Variants in FBXO11 observed in about 807,000 individuals in gnomAD.
The protein encoded by FBXO11 is F-box protein 11, also known as F-box only protein 11.
Under a neutral mutation model 117.0 loss-of-function variants are expected in FBXO11, and 13 were observed. The ratio of observed to expected loss-of-function variants is 0.11; its 90% CI spans 0.07 to 0.18. The LOEUF is 0.18. FBXO11 is among the 10% of genes least tolerant of loss of function. FBXO11 has a pLI of 1.00. For synonymous variants in FBXO11, 490 were observed against 380.5 expected (o/e 1.29, Z -3.35); for missense variants, 767 against 1,164.4 (o/e 0.66, Z 4.97).
intron 11 of FBXO11, among the ~76,000 whole-genome samples, chr2:47,825,600 G>C (rs2348245): frequency 8.4e-6 from 1 of 118,484 alleles, no homozygotes; most frequent in Middle Eastern, 6.0e-3. Flanking sequence ...TTTTTTTAGA[G>C]ACAGGCTCTC....
intron 1 of FBXO11, among the ~76,000 whole-genome samples, chr2:47,897,699 A>G (rs1677780443): frequency 9.7e-6 from 1 of 102,856 alleles, no homozygotes; most frequent in African/African-American, 3.2e-5. Context: ...TGTGTCTTAA[A>G]CCAAAAAAAA....
At position 47,842,996 on chromosome 2, in the gene FBXO11, G is replaced by T. The variant is rs1411818078; in HGVS notation, c.233-3227C>A. On this transcript the variant is annotated intron_variant, in intron 1 of 22. Coordinates refer to ENST00000403359, the MANE Select transcript of FBXO11 (RefSeq NM_001190274.2). ...ACACAAGGTCTCACCATGTTGTGCA[G>T]GCTAGTCTCAAAACTGCTGAGCTCA... Among the ~76,000 whole-genome samples, 3 of 152,078 alleles carry T rather than the reference G, an allele frequency of 2.0e-5. No individual in the cohort carries two copies. The East Asian group carries it at 5.8e-4, about 29-fold the overall frequency.
intron 1 of FBXO11, among the ~76,000 whole-genome samples, chr2:47,873,624 G>C (rs139863581): frequency 2.4e-4 from 36 of 152,214 alleles, no homozygotes; most frequent in Non-Finnish European, 3.7e-4. Context: ...GGCATGATTT[G>C]GCTTATTTCT....
Position 47,813,433 on chromosome 2 carries a change from T to TTATTTA in FBXO11, c.2084-57_2084-56insTAAATA, listed in dbSNP as rs1558404679. The TTATTTA allele has an allele frequency of 1.3e-5, 13 of 1,008,570 alleles. 1 individual carries two copies. In the African/African-American group the frequency reaches 3.0e-4, roughly 23 times the overall value. 62.5% of individuals were successfully genotyped at this position (1,008,570 alleles called of 1,614,324 possible). A position where few individuals can be genotyped will look rare whatever the true frequency, so the allele number is the denominator to read the frequency against. On this transcript the variant is annotated intron_variant, in intron 17 of 22. Transcript: ENST00000403359. ...AGGTATATTTCTTTTTAATTTTTTT[T>TTATTTA]TTTTTTTTTTTTTTTGAGACAGAGT... is the stretch of plus-strand genomic sequence containing the variant.
At chr2:47,872,314 T>C (rs1675682169) in intron 1 of FBXO11, among the ~76,000 whole-genome samples, 2 of 152,204 alleles carry the variant, frequency 1.3e-5, no homozygotes, top group African/African-American at 2.4e-5. Flanking sequence ...AAGTCAAAAC[T>C]ATTTTCATTA....
At chr2:47,842,849 T>G (rs2104889499) in intron 1 of FBXO11, among the ~76,000 whole-genome samples, 1 of 150,470 alleles carries the variant, frequency 6.6e-6, no homozygotes, top group Middle Eastern at 3.6e-3. Flanking sequence ...GGCACAATCA[T>G]GGCTTACTGC....
intron 1 of FBXO11, among the ~76,000 whole-genome samples, chr2:47,879,635 T>C (rs969746398): frequency 6.6e-6 from 1 of 152,242 alleles, no homozygotes; most frequent in East Asian, 1.9e-4. Flanking sequence ...ACTGCATGTA[T>C]ATCAGGAAGG....
chr2:47,828,501 G>A (rs997701185), intron 11 of FBXO11, among the ~76,000 whole-genome samples: 3 of 151,846 alleles, frequency 2.0e-5, no homozygotes, highest in Non-Finnish European at 2.9e-5. Flanking sequence ...CCACCTACTC[G>A]GGAGACTGAG....
intron 1 of FBXO11, among the ~76,000 whole-genome samples, chr2:47,889,774 A>G (rs1001177052): frequency 2.0e-5 from 3 of 152,230 alleles, no homozygotes; most frequent in African/African-American, 7.2e-5. Flanking sequence ...TAAAATTATT[A>G]AACAGACATG....
chr2:47,822,718 T>C (rs1015054222), intron 12 of FBXO11, among the ~76,000 whole-genome samples: 1 of 152,216 alleles, frequency 6.6e-6, no homozygotes, highest in Admixed American at 6.5e-5. Context: ...AGCTTGCAGT[T>C]TTTGACTTTT....
intron 16 of FBXO11, among the ~76,000 whole-genome samples, chr2:47,815,106 T>G (rs1348857653): frequency 6.6e-6 from 1 of 152,212 alleles, no homozygotes; most frequent in Admixed American, 6.5e-5. Context: ...CCTAAAGTCA[T>G]CCATGAGGGT....
At chr2:47,856,054 C>T (rs997191966) in intron 1 of FBXO11, among the ~76,000 whole-genome samples, 2 of 152,066 alleles carry the variant, frequency 1.3e-5, no homozygotes, top group African/African-American at 4.8e-5. Context: ...GAGGCTGCAG[C>T]GTGCTATCAT....
chr2:47,834,944 C>T (rs977404994), intron 5 of FBXO11, 73 bp from the exon 6 acceptor site: 42 of 1,014,820 alleles, frequency 4.1e-5, no homozygotes, highest in African/African-American at 8.2e-5. Context: ...TGTACAATTG[C>T]ATGAACAACT....
At chr2:47,865,736 A>G (rs1675146291) in intron 1 of FBXO11, 1 of 152,230 alleles carries the variant, frequency 6.6e-6, no homozygotes, top group Non-Finnish European at 1.5e-5. Context: ...TGGAAACAAC[A>G]TGGGATATTA....
chr2:47,851,517 G>A (rs541988083), intron 1 of FBXO11, among the ~76,000 whole-genome samples: 42 of 152,174 alleles, frequency 2.8e-4, no homozygotes, highest in African/African-American at 9.6e-4. Context: ...GTGAGCCACC[G>A]CGCCTGGCCT....
At chr2:47,883,730 G>T (rs953454890) in intron 1 of FBXO11, 2 of 263,332 alleles carry the variant, frequency 7.6e-6, no homozygotes, top group Admixed American at 4.1e-5. Flanking sequence ...AAGCACGAGA[G>T]AAAGAAGGTT....
At chr2:47,836,302 T>G (rs1010543424) in intron 4 of FBXO11, among the ~76,000 whole-genome samples, 2 of 152,182 alleles carry the variant, frequency 1.3e-5, no homozygotes, top group Non-Finnish European at 2.9e-5. Flanking sequence ...AAAACAGGAT[T>G]TAAAACGTGA....
intron 1 of FBXO11, among the ~76,000 whole-genome samples, chr2:47,854,224 G>T (rs1674096465): frequency 1.3e-5 from 2 of 150,650 alleles, no homozygotes; most frequent in African/African-American, 4.9e-5. Context: ...TTGAGACGGA[G>T]TCTCGCTCTG....
intron 13 of FBXO11, among the ~76,000 whole-genome samples, chr2:47,820,846 C>T (rs543027785): frequency 2.0e-5 from 3 of 152,100 alleles, no homozygotes; most frequent in Admixed American, 6.6e-5. Context: ...TAAGATGCTC[C>T]GCAGAGTGCC....
Sources: allele counts gnomAD v4.1 joint callset (sites outside exome capture counted in the v4.1 genomes callset), GRCh38; gene constraint gnomAD v4.1.1; transcripts MANE v1.5; gene names NCBI Gene and HGNC (gene_info 2026-07-23, HGNC 2026-07-21).